Variants in VIRMA observed in about 807,000 individuals in gnomAD.
VIRMA encodes vir like m6A methyltransferase associated.
VIRMA carries 65 observed loss-of-function variants against 182.4 expected under a neutral mutation model. The ratio of observed to expected loss-of-function variants is 0.36; its 90% CI spans 0.29 to 0.44. VIRMA has a LOEUF of 0.44. VIRMA is among the 20% of genes least tolerant of loss of function. The pLI, the probability that VIRMA is intolerant of heterozygous loss-of-function variation, is 1.00. For missense variants in VIRMA, 1,752 were observed against 2,158.1 expected (o/e 0.81, Z 3.73); for synonymous variants, 709 against 743.1 (o/e 0.95, Z 0.75).
chr8:94,525,903 A>G (rs985453914), intron 8 of VIRMA, among the ~76,000 whole-genome samples: 1 of 152,218 alleles, frequency 6.6e-6, no homozygotes, highest in Non-Finnish European at 1.5e-5. Context: ...TTCCTACACC[A>G]TTCCTTTGTT....
chr8:94,529,708 C>T lies in VIRMA; in HGVS notation c.608-366G>A, dbSNP rs1208112636. On this transcript the variant is annotated intron_variant, in intron 6 of 23. Transcript: ENST00000297591. ...AGGCTGGAGTGCAGTGGCATGATCT[C>T]GGCTCACTGCAACCTCCGCCTCCCA... Among the ~76,000 whole-genome samples the T allele has an allele frequency of 3.9e-5, 6 of 152,054 alleles. No individual in the cohort carries two copies. The South Asian group carries it at 6.2e-4, about 16-fold the overall frequency.
intron 8 of VIRMA, among the ~76,000 whole-genome samples, chr8:94,521,309 G>A (rs762595851): frequency 6.6e-6 from 1 of 152,006 alleles, no homozygotes; most frequent in South Asian, 2.1e-4. Context: ...TGCAGTATTT[G>A]GTTTTCTGTT....
In VIRMA at chr8:94,510,643, G is replaced by A. The variant is rs1158098936; in HGVS notation, c.3400C>T (p.Pro1134Ser). ...TTGAGTGCCACTGATATATCATGTGGCTCAATAACCTGTTAAAAAAGTATA... is the reference window on the plus strand; with the variant it reads ...TTGAGTGCCACTGATATATCATGTGACTCAATAACCTGTTAAAAAAGTATA... The part of the protein sequence containing the change: ...LPMQTTQVIE[P>S]HDISVALNTR... Residue 1134 changes from proline to serine, a missense_variant, in exon 14 of 24, where the codon CCA becomes TCA. Pro to Ser is a moderately conservative substitution (Grantham distance 74). Transcript: ENST00000297591. The A allele has an allele frequency of 6.2e-7, 1 of 1,609,500 alleles. No homozygotes were observed. The highest frequency in any genetic ancestry group is 1.1e-5 in the South Asian group (1 of 90,992).
At chr8:94,498,325 A>C (rs1052699345) in intron 17 of VIRMA, 26 of 152,232 alleles carry the variant, frequency 1.7e-4, no homozygotes, top group Non-Finnish European at 2.9e-4. Flanking sequence ...CGATAGACCA[A>C]AAATACTAAA....
intron 2 of VIRMA, among the ~76,000 whole-genome samples, chr8:94,541,187 T>C (rs1468258412): frequency 1.3e-5 from 2 of 151,448 alleles, no homozygotes; most frequent in Non-Finnish European, 2.9e-5. Flanking sequence ...AATGGCACAA[T>C]CACAGCTCAC....
At chr8:94,515,935 T>C (rs1814546773) in intron 10 of VIRMA, among the ~76,000 whole-genome samples, 1 of 151,392 alleles carries the variant, frequency 6.6e-6, no homozygotes, top group African/African-American at 2.4e-5. Context: ...ATCCCTACTT[T>C]AGTCCCTACT....
Position 94,517,936 on chromosome 8 carries a change from G to A in VIRMA, c.2520C>T (p.Ser840=). Residue 840 remains serine, a synonymous_variant, in exon 10 of 24, where the codon TCC becomes TCT. Transcript: ENST00000297591. ...TATAAGCTACTGACTTCTTAGATTTGGAATCACTGAAACAAAATAAGGTTT... is the reference window on the plus strand; with the variant it reads ...TATAAGCTACTGACTTCTTAGATTTAGAATCACTGAAACAAAATAAGGTTT... ...EYYSKEALGD[S]KSKKSVAYNY... 2.5e-6 allele frequency: 4 copies of A among 1,606,610 alleles called. No homozygotes were observed. The highest frequency in any genetic ancestry group is 3.4e-6 in the Non-Finnish European group (4 of 1,177,024).
chr8:94,500,260 G>A (rs1483934145), intron 16 of VIRMA, among the ~76,000 whole-genome samples: 1 of 152,006 alleles, frequency 6.6e-6, no homozygotes, highest in African/African-American at 2.4e-5. Flanking sequence ...TTTGCCAGGC[G>A]TAGTGGTGCA....
chr8:94,512,012 T>C lies in VIRMA; in HGVS notation c.2829A>G (p.Pro943=). The C allele has an allele frequency of 6.5e-7, 1 of 1,527,786 alleles. No individual in the cohort carries two copies. The highest frequency in any genetic ancestry group is 1.3e-5 in the South Asian group (1 of 75,934). 94.6% of individuals were successfully genotyped at this position (1,527,786 alleles called of 1,614,324 possible). A position where few individuals can be genotyped will look rare whatever the true frequency, so the allele number is the denominator to read the frequency against. Residue 943 remains proline, a synonymous_variant, in exon 12 of 24, where the codon CCA becomes CCG. Transcript: ENST00000297591. ...CCACATTACCTTCAACAGGAGGTGG[T>C]GGGCATGCAACATTACAGAGAACAC... ...ALRVLCNVAC[P]PPPVEGQQKD... is the part of the protein sequence containing the mutation.
intron 1 of VIRMA, among the ~76,000 whole-genome samples, chr8:94,544,268 T>C (rs955470746): frequency 3.9e-5 from 6 of 152,190 alleles, no homozygotes; most frequent in African/African-American, 1.4e-4. Flanking sequence ...TCTAGAAAGA[T>C]AATATAATCC....
chr8:94,523,940 A>G (rs1363172276), intron 8 of VIRMA, among the ~76,000 whole-genome samples: 2 of 150,188 alleles, frequency 1.3e-5, no homozygotes, highest in Admixed American at 6.6e-5. Context: ...TTACGGGCAC[A>G]TTCCACCAAA....
At chr8:94,540,654 G>T (rs1436959024) in intron 2 of VIRMA, among the ~76,000 whole-genome samples, 1 of 151,678 alleles carries the variant, frequency 6.6e-6, no homozygotes, top group Non-Finnish European at 1.5e-5. Context: ...TAGAGGCGGG[G>T]TTTCACTATG....
chr8:94,488,749 C>A lies in VIRMA; in HGVS notation c.5396G>T (p.Gly1799Val). 1 of 1,614,192 alleles carries A rather than the reference C, an allele frequency of 6.2e-7. No individual in the cohort carries two copies. Among genetic ancestry groups the A allele is most frequent in the Non-Finnish European group, 8.5e-7 (1 of 1,180,028 alleles). Reference protein sequence around the residue: ...SGGSRGKFVSGGSGRGRHVRS... With the variant: ...SGGSRGKFVSVGSGRGRHVRS... ...TACATGACGACCTCTACCACTGCCT[C>A]CACTAACAAACTTTCCTCTTGAGCC... is the stretch of plus-strand genomic sequence containing the variant. Residue 1799 changes from glycine (G) to valine (V), a missense_variant, in exon 24 of 24, where the codon GGA (glycine) becomes GTA (valine). Gly to Val is a moderately radical substitution (Grantham distance 109). Around this residue, in one of 11 missense-constraint regions of VIRMA, gnomAD observed 132 missense variants for 173.8 expected, o/e 0.76. Transcript: ENST00000297591.
intron 8 of VIRMA, among the ~76,000 whole-genome samples, chr8:94,520,031 C>A (rs888338879): frequency 6.6e-6 from 1 of 151,476 alleles, no homozygotes; most frequent in African/African-American, 2.4e-5. Context: ...GGCAACATGG[C>A]AAAAACCTGT....
At position 94,529,265 on chromosome 8, in the gene VIRMA, G is replaced by C. The variant is rs768708790; in HGVS notation, c.685C>G (p.Pro229Ala). 67 of 1,611,818 alleles carry C rather than the reference G, an allele frequency of 4.2e-5. No individual in the cohort carries two copies. Among genetic ancestry groups the C allele is most frequent in the Non-Finnish European group, 5.4e-5 (64 of 1,178,194 alleles). ...EPISPDRNSV[P>A]QEGQYSDEGE... ...TCATCAGAATATTGCCCTTCCTGGG[G>C]AACAGAATTCCGATCAGGAGAAATG... The change falls in exon 7 of 24, where the codon CCC becomes GCC. Residue 229 changes from proline to alanine, a missense_variant. Transcript: ENST00000297591.
At chr8:94,500,073 A>C (rs1813916744) in intron 16 of VIRMA, among the ~76,000 whole-genome samples, 1 of 150,942 alleles carries the variant, frequency 6.6e-6, no homozygotes, top group African/African-American at 2.4e-5. Context: ...AAAAAAAAAA[A>C]ACTTAACACA....
chr8:94,507,715 C>T (rs1814208011), intron 15 of VIRMA, among the ~76,000 whole-genome samples: 1 of 151,818 alleles, frequency 6.6e-6, no homozygotes. Flanking sequence ...GACTGTGCCA[C>T]TGCACTCCAG....
intron 22 of VIRMA, among the ~76,000 whole-genome samples, chr8:94,491,333 G>T (rs1301519438): frequency 6.6e-6 from 1 of 151,642 alleles, no homozygotes; most frequent in Non-Finnish European, 1.5e-5. Flanking sequence ...AAGGCCGGGG[G>T]GAATAATTAG....
rs777796280 is a variant in VIRMA at position 94,491,602 on chromosome 8, A to C, written c.5116T>G (p.Phe1706Val). 4 of 1,613,312 alleles carry C rather than the reference A, an allele frequency of 2.5e-6. No individual in the cohort carries two copies. The South Asian group carries it at 3.3e-5, about 13-fold the overall frequency. The change falls in exon 22 of 24, where the codon TTT (phenylalanine) becomes GTT (valine). Residue 1706 changes from phenylalanine (F) to valine (V), a missense_variant. Physicochemically the swap from Phe to Val is conservative, Grantham distance 50 (BLOSUM62 -1). Transcript: ENST00000297591. ...CCTTTTGAAGCAGGTGGTGTGAAAA[A>C]CCTATTCTGACTGTGGAAAGCACCC... ...GRGAFHSQNRFFTPPASKGNY... is the reference protein window; with the variant it reads ...GRGAFHSQNRVFTPPASKGNY...
Sources: allele counts gnomAD v4.1 joint callset (sites outside exome capture counted in the v4.1 genomes callset), GRCh38; gene constraint gnomAD v4.1.1; regional missense constraint gnomAD v4.1.1; transcripts MANE v1.5; gene names NCBI Gene and HGNC (gene_info 2026-07-23, HGNC 2026-07-21).